The following GAS7 variants were observed in gnomAD, a reference collection of about 807,000 sequenced individuals.
The protein encoded by GAS7 is growth arrest-specific protein 7.
A neutral mutation model predicts 71.1 loss-of-function variants in GAS7; 28 were observed. The observed-to-expected ratio is 0.39, with a 90% confidence interval of 0.29 to 0.54. The LOEUF (loss-of-function observed/expected upper bound fraction) is 0.54. GAS7 is among the 20% of genes least tolerant of loss of function. The probability of loss-of-function intolerance (pLI) is 0.62; values close to 1 mark genes in which losing one functional copy is unlikely to be tolerated. For missense variants in GAS7, 436 were observed against 627.8 expected (o/e 0.69, Z 3.27); for synonymous variants, 258 against 245.8 (o/e 1.05, Z -0.46).
At chr17:10,056,843 G>A (rs940204911) in intron 1 of GAS7, among the ~76,000 whole-genome samples, 13 of 152,102 alleles carry the variant, frequency 8.5e-5, no homozygotes, top group Admixed American at 3.9e-4. Context: ...ATGCCGAGCC[G>A]AAGCTAGACT....
intron 1 of GAS7, among the ~76,000 whole-genome samples, chr17:10,102,609 G>A (rs2073714523): frequency 6.6e-6 from 1 of 152,104 alleles, no homozygotes; most frequent in African/African-American, 2.4e-5. Flanking sequence ...GTCATCCCCT[G>A]ACCTGGTATT....
chr17:10,079,922 TA>T (rs1441548417), intron 1 of GAS7, among the ~76,000 whole-genome samples: 1 of 151,782 alleles, frequency 6.6e-6, no homozygotes, highest in Non-Finnish European at 1.5e-5. Flanking sequence ...AACTAAAGAG[TA>T]AAAGACTTAT....
chr17:9,960,082 T>C (rs2069420253), intron 4 of GAS7, among the ~76,000 whole-genome samples: 1 of 152,182 alleles, frequency 6.6e-6, no homozygotes, highest in South Asian at 2.1e-4. Flanking sequence ...AAGCAGGACC[T>C]GGGATGTCTC....
In GAS7 at chr17:10,050,173, A is replaced by G. The variant is rs181907949; in HGVS notation, c.184-30276T>C. On this transcript the variant is annotated intron_variant, in intron 1 of 13. Transcript: ENST00000432992. Reference sequence around the variant, plus strand: ...TACTAAAATTATTTAAACAAGTCCAATAAAACCCTCCTTGACATATCCCAT... The same window carrying G: ...TACTAAAATTATTTAAACAAGTCCAGTAAAACCCTCCTTGACATATCCCAT... 1.7e-3 allele frequency among the ~76,000 whole-genome samples: 252 copies of G among 152,328 alleles called. 2 individuals carry two copies. Among genetic ancestry groups the G allele is most frequent in the African/African-American group, 5.7e-3 (236 of 41,576 alleles).
At chr17:9,935,452 C>T (rs913637287) in intron 8 of GAS7, among the ~76,000 whole-genome samples, 1 of 152,234 alleles carries the variant, frequency 6.6e-6, no homozygotes, top group African/African-American at 2.4e-5. Flanking sequence ...CCAGCCTCTT[C>T]AACACAGCCA....
intron 1 of GAS7, among the ~76,000 whole-genome samples, chr17:10,154,417 T>C (rs945826675): frequency 7.2e-5 from 11 of 151,892 alleles, no homozygotes; most frequent in African/African-American, 2.7e-4. Context: ...GGTGGGAGGA[T>C]TGCTTGAACC....
At chr17:9,953,702 TGCTACGCTA>T (rs1430908817) in intron 5 of GAS7, among the ~76,000 whole-genome samples, 3 of 152,262 alleles carry the variant, frequency 2.0e-5, no homozygotes, top group African/African-American at 7.2e-5. Context: ...CAGTGCCACG[TGCTACGCTA>T]GCTCTTCCCA....
At chr17:9,924,530 C>CCCCG (rs912203759) in intron 11 of GAS7, 1 of 144,656 alleles carries the variant, frequency 6.9e-6, no homozygotes, top group Non-Finnish European at 1.5e-5. Context: ...CTTCTGTGCC[C>CCCCG]CCCCTTCTCT....
intron 6 of GAS7, among the ~76,000 whole-genome samples, chr17:9,946,273 T>C (rs75352190): frequency 0.017 from 2,541 of 152,294 alleles, 79 homozygotes; most frequent in African/African-American, 0.058. Flanking sequence ...AAAATACATC[T>C]AGCACACAAC....
intron 11 of GAS7, among the ~76,000 whole-genome samples, chr17:9,925,156 C>G (rs1272629180): frequency 1.3e-5 from 2 of 150,498 alleles, no homozygotes; most frequent in African/African-American, 4.9e-5. Flanking sequence ...TGTCCACCTC[C>G]TGGTCAGAGA....
At chr17:10,028,492 A>C (rs1348769372) in intron 1 of GAS7, among the ~76,000 whole-genome samples, 1 of 152,216 alleles carries the variant, frequency 6.6e-6, no homozygotes, top group African/African-American at 2.4e-5. Flanking sequence ...CAGAAAATAG[A>C]TAGAGGAAGA....
chr17:10,090,116 C>T (rs551305433), intron 1 of GAS7, among the ~76,000 whole-genome samples: 1 of 152,026 alleles, frequency 6.6e-6, no homozygotes, highest in African/African-American at 2.4e-5. Flanking sequence ...TTGCAGTGAG[C>T]CGAGATCGTG....
intron 1 of GAS7, among the ~76,000 whole-genome samples, chr17:10,197,719 G>A (rs544590356): frequency 1.3e-5 from 2 of 151,956 alleles, no homozygotes; most frequent in South Asian, 4.2e-4. Flanking sequence ...GGGTGGTCCC[G>A]AGGCGGCCAG....
intron 5 of GAS7, among the ~76,000 whole-genome samples, chr17:9,955,582 T>C (rs768792895): frequency 1.3e-5 from 2 of 152,178 alleles, no homozygotes; most frequent in African/African-American, 4.8e-5. Context: ...GTGCATGGAA[T>C]AGGTGGACCC....
At chr17:10,043,645 T>C (rs1303195527) in intron 1 of GAS7, among the ~76,000 whole-genome samples, 1 of 152,214 alleles carries the variant, frequency 6.6e-6, no homozygotes, top group Non-Finnish European at 1.5e-5. Flanking sequence ...CCGGGCACAG[T>C]AGCTCACACC....
intron 1 of GAS7, among the ~76,000 whole-genome samples, chr17:10,028,575 A>G (rs192884340): frequency 1.2e-3 from 182 of 152,294 alleles, no homozygotes; most frequent in African/African-American, 4.3e-3. Flanking sequence ...TCCAGAAGAA[A>G]CATCTCAGAA....
At chr17:10,167,044 CTTTTTTTTTTTTTTTTTT>C (rs1164151104) in intron 1 of GAS7, among the ~76,000 whole-genome samples, 1 of 58,806 alleles carries the variant, frequency 1.7e-5, no homozygotes, top group Non-Finnish European at 2.9e-5. Context: ...TTCCATTTGT[CTTTTTTTTTTTTTTTTTT>C]TTTTTTTTTT....
Position 9,919,545 on chromosome 17 carries a change from C to T in GAS7, c.1218+81G>A. 2.0e-6 allele frequency: 2 copies of T among 986,160 alleles called. No homozygotes were observed. Among genetic ancestry groups the T allele is most frequent in the South Asian group, 1.3e-5 (1 of 78,488 alleles). The allele number at this position is 986,160 out of a possible 1,614,324, so 61.1% of individuals were successfully genotyped here. ...CTCCAGGGTCACTCCACCCCATCAT[C>T]CCCGCGCCCACCAACAACCACCAGG... is the stretch of plus-strand genomic sequence containing the variant. On this transcript the variant is annotated intron_variant, in intron 12 of 13. Coordinates refer to ENST00000432992, the MANE Select transcript of GAS7 (RefSeq NM_201433.2). This position sits in a 1 kb window ranked among gnomAD's most constrained non-coding sequence, Gnocchi z 5.0.
At chr17:10,041,279 A>T (rs903664999) in intron 1 of GAS7, among the ~76,000 whole-genome samples, 2 of 152,194 alleles carry the variant, frequency 1.3e-5, no homozygotes, top group African/African-American at 4.8e-5. Flanking sequence ...AAGCTTTCAT[A>T]GCCTGTGACT....
Sources: allele counts gnomAD v4.1 joint callset (sites outside exome capture counted in the v4.1 genomes callset), GRCh38; gene constraint gnomAD v4.1.1; non-coding constraint Gnocchi (gnomAD v3.1); transcripts MANE v1.5; gene names NCBI Gene and HGNC (gene_info 2026-07-23, HGNC 2026-07-21).